The following NTMT1 variants were observed in gnomAD, a reference collection of about 807,000 sequenced individuals.
The protein encoded by NTMT1 is N-terminal RCC1 methyltransferase.
A neutral mutation model predicts 17.5 loss-of-function variants in NTMT1; 8 were observed. The observed-to-expected ratio is 0.46, with a 90% confidence interval of 0.27 to 0.82. The LOEUF is 0.82. Among genes scored for constraint, NTMT1 ranks in the 40% least tolerant of loss-of-function variants. NTMT1 has a pLI of 0.15. For synonymous variants in NTMT1, 128 were observed against 126.8 expected (o/e 1.01, Z -0.06); for missense variants, 221 against 303.5 (o/e 0.73, Z 2.02).
intron 2 of NTMT1, chr9:129,633,773 C>T (rs1831332625): frequency 6.0e-6 from 2 of 331,742 alleles, no homozygotes; most frequent in East Asian, 5.4e-5. Flanking sequence ...TTCGAGGCTA[C>T]AGTGAGCCAT....
At chr9:129,611,133 G>A (rs1338369747) in intron 1 of NTMT1, among the ~76,000 whole-genome samples, 1 of 152,120 alleles carries the variant, frequency 6.6e-6, no homozygotes, top group Non-Finnish European at 1.5e-5. Context: ...CCGGCCCTAA[G>A]GACCCCCACC....
chr9:129,620,041 G>GC lies in NTMT1; in HGVS notation c.-55+10869dup. 1 of 1,452,354 alleles carries GC rather than the reference G, an allele frequency of 6.9e-7. No individual in the cohort carries two copies. The highest frequency in any genetic ancestry group is 9.1e-7 in the Non-Finnish European group (1 of 1,100,426). The allele number at this position is 1,452,354 out of a possible 1,614,324, so 90.0% of individuals were successfully genotyped here. On this transcript the variant is annotated intron_variant, in intron 1 of 3. Transcript: ENST00000372486. This position sits in a 1 kb window ranked among gnomAD's most constrained non-coding sequence, Gnocchi z 5.8. ...CCCCCACCGGAAATGACTCGGGCCC[G>GC]CCCCCCGGGCCCCGCGGGGCCTCAC...
chr9:129,626,699 A>T (rs569420368), intron 1 of NTMT1, among the ~76,000 whole-genome samples: 6 of 152,334 alleles, frequency 3.9e-5, no homozygotes, highest in African/African-American at 1.2e-4. Flanking sequence ...AGCCTGGCAC[A>T]GTTAAGTGCC....
At chr9:129,634,918 G>A in intron 3 of NTMT1, 1 of 414,348 alleles carries the variant, frequency 2.4e-6, no homozygotes, top group Admixed American at 4.0e-5. Context: ...TCCAAGCCTG[G>A]CAGGGGTGGG....
chr9:129,614,024 G>T lies in NTMT1; in HGVS notation c.-55+4846G>T, dbSNP rs1027664193. 6.6e-5 allele frequency among the ~76,000 whole-genome samples: 10 copies of T among 152,194 alleles called. No homozygotes were observed. Among genetic ancestry groups the T allele is most frequent in the African/African-American group, 2.4e-4 (10 of 41,434 alleles). On this transcript the variant is annotated intron_variant, in intron 1 of 3. Coordinates refer to the NTMT1 transcript ENST00000372486. The surrounding 1 kb of genome is among the most constrained non-coding windows in gnomAD (Gnocchi z 4.4). ...CCCAATGGCTGCCCCAGGATGGAAA[G>T]GGCTGGGAAGCAGCAGGCTGGCCCC...
chr9:129,626,172 C>T lies in NTMT1; in HGVS notation c.-178C>T, dbSNP rs1588132712. The stretch of plus-strand genomic sequence containing the variant: ...GTTGGCGGACAAAGGCAGCGCGCGC[C>T]GCGAGCTGTCGCGTCTGGTCGTGGT... On this transcript the variant is annotated 5_prime_UTR_variant, in exon 1 of 4. Transcript: ENST00000372483. 2.6e-5 allele frequency: 4 copies of T among 152,224 alleles called. No homozygotes were observed. The highest frequency in any genetic ancestry group is 7.2e-5 in the African/African-American group (3 of 41,450). The allele number at this position is 152,224 out of a possible 1,614,324, so 9.4% of individuals were successfully genotyped here.
At chr9:129,634,592 C>T (rs1052036104) in intron 3 of NTMT1, 4 of 378,138 alleles carry the variant, frequency 1.1e-5, no homozygotes, top group Non-Finnish European at 1.4e-5. Flanking sequence ...TAACTTACTG[C>T]ATTCAAAGTG....
Position 129,620,602 on chromosome 9 carries a change from C to A in NTMT1, c.-55+11424C>A. The stretch of plus-strand genomic sequence containing the variant: ...TTGGCCCCGCACTCAGCTCACCGCA[C>A]CCTCAGCGCGCGTGGGTGGGGGGCG... On this transcript the variant is annotated intron_variant, in intron 1 of 3. Transcript: ENST00000372486. This position sits in a 1 kb window ranked among gnomAD's most constrained non-coding sequence, Gnocchi z 5.8. The A allele has an allele frequency of 7.6e-7, 1 of 1,312,934 alleles. No homozygotes were observed. Among genetic ancestry groups the A allele is most frequent in the Non-Finnish European group, 9.7e-7 (1 of 1,030,120 alleles). The allele number at this position is 1,312,934 out of a possible 1,614,324, so 81.3% of individuals were successfully genotyped here. A position where few individuals can be genotyped will look rare whatever the true frequency, so the allele number is the denominator to read the frequency against.
intron 1 of NTMT1, among the ~76,000 whole-genome samples, chr9:129,627,406 T>C (rs1161471994): frequency 1.3e-5 from 2 of 152,200 alleles, no homozygotes; most frequent in Non-Finnish European, 2.9e-5. Flanking sequence ...CATTTGATCC[T>C]CATAGTGGGC....
rs1389124734 is a variant in NTMT1 at position 129,620,265 on chromosome 9, G to C, written c.-55+11087G>C. ...CGGGACGCGCCGGCCGACAGCAGGG[G>C]AGGCGGCAGCAGGGACCGCAGCAGC... is the stretch of plus-strand genomic sequence containing the variant. On this transcript the variant is annotated intron_variant, in intron 1 of 3. Coordinates refer to the NTMT1 transcript ENST00000372486. The surrounding 1 kb of genome is among the most constrained non-coding windows in gnomAD (Gnocchi z 5.8). The C allele has an allele frequency of 5.3e-6, 7 of 1,330,378 alleles. No individual in the cohort carries two copies. In the East Asian group the frequency reaches 2.1e-4, roughly 40 times the overall value. The allele number at this position is 1,330,378 out of a possible 1,614,324, so 82.4% of individuals were successfully genotyped here. A position where few individuals can be genotyped will look rare whatever the true frequency, so the allele number is the denominator to read the frequency against.
intron 1 of NTMT1, chr9:129,612,551 G>A (rs1478633108): frequency 8.9e-6 from 8 of 896,820 alleles, no homozygotes; most frequent in Middle Eastern, 4.9e-4. Context: ...TGTTGGGCAG[G>A]TAGTGCTGTC....
rs1429955303 is a variant in NTMT1 at position 129,615,400 on chromosome 9, C to T, written c.-55+6222C>T. ...TGGCCTTTGCAAAGCCAGTCCCTCACTCTAGGGGCCCGGAGCTACAGCCTC... is the reference window on the plus strand; with the variant it reads ...TGGCCTTTGCAAAGCCAGTCCCTCATTCTAGGGGCCCGGAGCTACAGCCTC... On this transcript the variant is annotated intron_variant, in intron 1 of 3. Transcript: ENST00000372486. 13 of 1,416,648 alleles carry T rather than the reference C, an allele frequency of 9.2e-6. No homozygotes were observed. In the African/African-American group the frequency reaches 1.7e-4, roughly 19 times the overall value. The allele number at this position is 1,416,648 out of a possible 1,614,324, so 87.8% of individuals were successfully genotyped here.
upstream of NTMT1, among the ~76,000 whole-genome samples, chr9:129,621,965 T>G (rs1165928686): frequency 2.0e-5 from 3 of 152,176 alleles, no homozygotes; most frequent in Non-Finnish European, 4.4e-5. Context: ...TTCAGGGTCA[T>G]TGTGATCCGC....
intron 2 of NTMT1, 149 bp from the exon 3 acceptor site, chr9:129,633,905 C>G: frequency 2.5e-6 from 2 of 809,186 alleles, no homozygotes; most frequent in East Asian, 2.7e-5. Context: ...TCCGTACAAG[C>G]TGGCAGCCAG....
At chr9:129,619,563 T>A (rs1263561227) in intron 1 of NTMT1, 7 of 1,614,028 alleles carry the variant, frequency 4.3e-6, no homozygotes, top group Non-Finnish European at 5.9e-6. Context: ...TGATCACCCT[T>A]CAGGGGCCCC....
chr9:129,615,672 G>A (rs771624750), intron 1 of NTMT1: 1 of 1,505,174 alleles, frequency 6.6e-7, no homozygotes, highest in Non-Finnish European at 8.8e-7. Context: ...AGGGGCCTGT[G>A]CTCGAAGCCC....
At chr9:129,621,809 C>A (rs1830730612), upstream of NTMT1, among the ~76,000 whole-genome samples, 1 of 152,154 alleles carries the variant, frequency 6.6e-6, no homozygotes, top group African/African-American at 2.4e-5. Flanking sequence ...GAGCTGACTC[C>A]TGGGCAGTGT....
chr9:129,622,763 C>T (rs914868748), upstream of NTMT1, among the ~76,000 whole-genome samples: 4 of 152,030 alleles, frequency 2.6e-5, no homozygotes, highest in African/African-American at 7.2e-5. Flanking sequence ...TCCAGTGGCT[C>T]ATACCTGTAA....
chr9:129,632,541 C>T (rs1307553677), intron 1 of NTMT1, 109 bp from the exon 2 acceptor site: 9 of 741,642 alleles, frequency 1.2e-5, no homozygotes, highest in African/African-American at 8.8e-5. Flanking sequence ...TCTCTCTGCA[C>T]TCAGCAGGAT....
Sources: allele counts gnomAD v4.1 joint callset (sites outside exome capture counted in the v4.1 genomes callset), GRCh38; gene constraint gnomAD v4.1.1; non-coding constraint Gnocchi (gnomAD v3.1); transcripts MANE v1.5; gene names NCBI Gene and HGNC (gene_info 2026-07-23, HGNC 2026-07-21).